Variants in PTPN11 observed in about 807,000 individuals in gnomAD.
PTPN11 encodes protein tyrosine phosphatase non-receptor type 11.
A neutral mutation model predicts 78.8 loss-of-function variants in PTPN11; 6 were observed. The observed-to-expected ratio is 0.08, with a 90% CI of 0.04 to 0.15. PTPN11 has a LOEUF of 0.15. Among genes scored for constraint, PTPN11 ranks in the 10% least tolerant of loss-of-function variants. The pLI is 1.00. For synonymous variants in PTPN11, 221 were observed against 263.5 expected (o/e 0.84, Z 1.56); for missense variants, 386 against 744.8 (o/e 0.52, Z 5.61).
At chr12:112,427,719 C>T (rs951135225) in intron 1 of PTPN11, among the ~76,000 whole-genome samples, 5 of 150,836 alleles carry the variant, frequency 3.3e-5, no homozygotes, top group African/African-American at 1.2e-4. Context: ...AACTCTCTAC[C>T]CCCTCCCCTC....
intron 5 of PTPN11, 151 bp from the exon 6 acceptor site, chr12:112,455,799 A>G (rs2038150333): frequency 3.1e-6 from 2 of 644,676 alleles, no homozygotes; most frequent in African/African-American, 3.7e-5. Flanking sequence ...AAACGATTTG[A>G]AAACTTTTAT....
intron 6 of PTPN11, among the ~76,000 whole-genome samples, chr12:112,456,500 C>T (rs537276277): frequency 2.0e-5 from 3 of 149,790 alleles, no homozygotes; most frequent in South Asian, 2.1e-4. Context: ...GCTCTGTCGC[C>T]GAAGCTGGAG....
At chr12:112,461,055 T>C (rs2038239980) in intron 6 of PTPN11, among the ~76,000 whole-genome samples, 1 of 152,182 alleles carries the variant, frequency 6.6e-6, no homozygotes, top group Admixed American at 6.5e-5. Context: ...TTCTTGTAAG[T>C]TGATATATCT....
At chr12:112,469,741 C>T (rs1336767149) in intron 6 of PTPN11, among the ~76,000 whole-genome samples, 1 of 152,126 alleles carries the variant, frequency 6.6e-6, no homozygotes, top group African/African-American at 2.4e-5. Flanking sequence ...TCTTGAACTC[C>T]TGACCTCAGG....
chr12:112,509,190 T>C lies in PTPN11; in HGVS notation c.*3398T>C, dbSNP rs2038970889. 6.6e-6 allele frequency: 1 copy of C among 152,254 alleles called. No individual in the cohort carries two copies. The highest frequency in any genetic ancestry group is 1.5e-5 in the Non-Finnish European group (1 of 68,050). 9.4% of individuals were successfully genotyped at this position (152,254 alleles called of 1,614,324 possible). A position where few individuals can be genotyped will look rare whatever the true frequency, so the allele number is the denominator to read the frequency against. The stretch of plus-strand genomic sequence containing the variant: ...GGATCTGTATTTGCCCTTAATTTTG[T>C]TGAAATCTTTTTTCCTTCTTCCTCT... On this transcript the variant is annotated 3_prime_UTR_variant, in exon 16 of 16. Coordinates refer to ENST00000351677, the MANE Select transcript of PTPN11 (RefSeq NM_002834.5).
intron 6 of PTPN11, among the ~76,000 whole-genome samples, chr12:112,467,639 C>T (rs1198416024): frequency 1.3e-5 from 2 of 152,112 alleles, no homozygotes; most frequent in Non-Finnish European, 2.9e-5. Flanking sequence ...GGACTACAGG[C>T]GCGCATCACA....
At chr12:112,449,204 C>T (rs73425495) in intron 2 of PTPN11, among the ~76,000 whole-genome samples, 147,164 of 147,710 alleles carry the variant, frequency 1, 73,309 homozygotes, top group South Asian at 1. Context: ...TTTTTTTTTT[C>T]TTAATTGCTG....
intron 7 of PTPN11, among the ~76,000 whole-genome samples, chr12:112,476,024 T>TGA (rs2038496229): frequency 6.6e-6 from 1 of 152,048 alleles, no homozygotes; most frequent in South Asian, 2.1e-4. Context: ...AGGCTGGTCT[T>TGA]GACCTCCTGG....
At chr12:112,499,881 G>T (rs575207937) in intron 13 of PTPN11, among the ~76,000 whole-genome samples, 75 of 151,144 alleles carry the variant, frequency 5.0e-4, no homozygotes, top group Non-Finnish European at 5.4e-4. Flanking sequence ...GTTTGAGGCT[G>T]CAGTGAGCTA....
chr12:112,422,436 C>T (rs774736036), intron 1 of PTPN11, among the ~76,000 whole-genome samples: 6 of 152,152 alleles, frequency 3.9e-5, no homozygotes, highest in South Asian at 2.1e-4. Flanking sequence ...ACCAACAAAG[C>T]TGCCTGTATT....
chr12:112,469,328 G>T (rs2038378026), intron 6 of PTPN11, among the ~76,000 whole-genome samples: 1 of 151,702 alleles, frequency 6.6e-6, no homozygotes, highest in South Asian at 2.1e-4. Flanking sequence ...GTAGTAGTAA[G>T]TGTTTAACAT....
At chr12:112,488,586 T>G (rs2038708322) in intron 12 of PTPN11, 76 bp downstream of exon 12, 1 of 1,429,566 alleles carries the variant, frequency 7.0e-7, no homozygotes, top group Non-Finnish European at 9.9e-7. Context: ...GAAAACAGTC[T>G]GGGGAAGAGA....
At position 112,450,408 on chromosome 12, in the gene PTPN11, G is replaced by C. The variant is rs397507514; in HGVS notation, c.228G>C (p.Glu76Asp). 1.2e-6 allele frequency: 2 copies of C among 1,613,822 alleles called. No homozygotes were observed. The highest frequency in any genetic ancestry group is 1.7e-6 in the Non-Finnish European group (2 of 1,179,734). Residue 76 changes from glutamate (E) to aspartate (D), a missense_variant, in exon 3 of 16, where the codon GAG becomes GAC. Physicochemically the swap from Glu to Asp is conservative, Grantham distance 45. Transcript: ENST00000351677. The part of the protein sequence containing the change: ...YGGEKFATLA[E>D]LVQYYMEHHG... ...GGGAGAAATTTGCCACTTTGGCTGA[G>C]TTGGTCCAGTATTACATGGAACATC...
chr12:112,480,798 T>C (rs932515022), intron 9 of PTPN11, among the ~76,000 whole-genome samples: 4 of 152,252 alleles, frequency 2.6e-5, no homozygotes, highest in African/African-American at 9.6e-5. Flanking sequence ...AATTTCTCTG[T>C]CTTCCTAAGA....
chr12:112,497,498 G>C (rs1291183540), intron 13 of PTPN11, among the ~76,000 whole-genome samples: 1 of 152,188 alleles, frequency 6.6e-6, no homozygotes, highest in Non-Finnish European at 1.5e-5. Context: ...ATGAGGCCGT[G>C]CCCCTATGTG....
At chr12:112,472,497 G>A (rs987472885) in intron 6 of PTPN11, among the ~76,000 whole-genome samples, 42 of 150,970 alleles carry the variant, frequency 2.8e-4, no homozygotes, top group African/African-American at 1.0e-3. Context: ...ATTATTTTCA[G>A]CATTTCTCCA....
chr12:112,440,328 C>T (rs2037866255), intron 1 of PTPN11, among the ~76,000 whole-genome samples: 1 of 152,062 alleles, frequency 6.6e-6, no homozygotes, highest in Non-Finnish European at 1.5e-5. Flanking sequence ...GGCTGGAGTG[C>T]AGTGGCATGA....
chr12:112,472,273 T>C (rs940880340), intron 6 of PTPN11, among the ~76,000 whole-genome samples: 2 of 152,146 alleles, frequency 1.3e-5, no homozygotes, highest in Non-Finnish European at 2.9e-5. Flanking sequence ...CAGATGCACA[T>C]CATGGTGTCC....
At chr12:112,471,382 T>A (rs2135892502) in intron 6 of PTPN11, among the ~76,000 whole-genome samples, 1 of 151,998 alleles carries the variant, frequency 6.6e-6, no homozygotes, top group East Asian at 1.9e-4. Flanking sequence ...ATTGACTTTT[T>A]TTTTTTTTGA....
Sources: gnomAD v4.1 joint callset for allele counts (sites outside exome capture counted in the v4.1 genomes callset) on GRCh38, gnomAD v4.1.1 for gene constraint, MANE v1.5 for transcripts, NCBI Gene and HGNC (gene_info 2026-07-23, HGNC 2026-07-21) for gene names.